Variants in TMEM132B observed in about 807,000 individuals in gnomAD.
TMEM132B encodes transmembrane protein 132B.
A neutral mutation model predicts 90.8 loss-of-function variants in TMEM132B; 18 were observed. The ratio of observed to expected loss-of-function variants is 0.20; its 90% CI spans 0.14 to 0.29. TMEM132B has a LOEUF of 0.29. Among genes scored for constraint, TMEM132B ranks in the 10% least tolerant of loss-of-function variants. The probability of loss-of-function intolerance (pLI) is 1.00; values close to 1 mark genes in which losing one functional copy is unlikely to be tolerated. For missense variants in TMEM132B, 1,096 were observed against 1,326.8 expected (o/e 0.83, Z 2.70); for synonymous variants, 504 against 523.3 (o/e 0.96, Z 0.50).
chr12:125,330,034 C>T (rs530922011), intron 1 of TMEM132B, among the ~76,000 whole-genome samples: 66 of 152,146 alleles, frequency 4.3e-4, no homozygotes, highest in Admixed American at 2.6e-4. Flanking sequence ...GTTCCGTGGC[C>T]GACGCTGTGG....
chr12:125,453,686 G>A (rs1283325239), intron 3 of TMEM132B, among the ~76,000 whole-genome samples: 1 of 152,200 alleles, frequency 6.6e-6, no homozygotes, highest in Non-Finnish European at 1.5e-5. Context: ...AAACACCAGT[G>A]TAAAGGATAG....
intron 1 of TMEM132B, among the ~76,000 whole-genome samples, chr12:125,347,944 CAAATT>C (rs1194376137): frequency 2.0e-5 from 3 of 152,068 alleles, no homozygotes; most frequent in South Asian, 4.2e-4. Context: ...ATGGTTGTAA[CAAATT>C]AAAAGAAAGC....
chr12:125,652,345 A>G, intron 7 of TMEM132B, 96 bp from the exon 8 acceptor site: 1 of 1,234,754 alleles, frequency 8.1e-7, no homozygotes, highest in Non-Finnish European at 1.1e-6. Context: ...GCATTGAGCC[A>G]AGGGCTGGGA....
intron 3 of TMEM132B, among the ~76,000 whole-genome samples, chr12:125,478,480 A>G (rs971415253): frequency 1.3e-5 from 2 of 152,238 alleles, no homozygotes; most frequent in Admixed American, 1.3e-4. Flanking sequence ...CACAAGCTTC[A>G]GTAGCTGATT....
intron 4 of TMEM132B, among the ~76,000 whole-genome samples, chr12:125,570,990 AG>A (rs2136827849): frequency 6.6e-6 from 1 of 152,328 alleles, no homozygotes; most frequent in East Asian, 1.9e-4. Context: ...GTGGCTACTT[AG>A]CTGTTTCTAC....
At chr12:125,361,474 A>G (rs896652806) in intron 2 of TMEM132B, among the ~76,000 whole-genome samples, 6 of 152,200 alleles carry the variant, frequency 3.9e-5, no homozygotes, top group South Asian at 2.1e-4. Flanking sequence ...AACAGTCCCC[A>G]TGTGGCAACA....
intron 4 of TMEM132B, among the ~76,000 whole-genome samples, chr12:125,541,624 G>A (rs1187034480): frequency 6.6e-6 from 1 of 152,018 alleles, no homozygotes; most frequent in African/African-American, 2.4e-5. Flanking sequence ...AAAGGTGAGA[G>A]TGTTCAGCAT....
intron 4 of TMEM132B, among the ~76,000 whole-genome samples, chr12:125,533,926 A>C (rs1399981993): frequency 6.6e-6 from 1 of 152,222 alleles, no homozygotes; most frequent in East Asian, 1.9e-4. Context: ...CAATATATGG[A>C]AAAATCAGAA....
At chr12:125,353,000 C>G (rs1877640046) in intron 2 of TMEM132B, among the ~76,000 whole-genome samples, 1 of 152,224 alleles carries the variant, frequency 6.6e-6, no homozygotes, top group African/African-American at 2.4e-5. Flanking sequence ...AAAACCAGTT[C>G]TTGGCTCTGA....
chr12:125,415,402 A>C lies in TMEM132B; in HGVS notation c.960-129A>C. 1 of 1,209,710 alleles carries C rather than the reference A, an allele frequency of 8.3e-7. No homozygotes were observed. The highest frequency in any genetic ancestry group is 1.1e-6 in the Non-Finnish European group (1 of 881,608). 74.9% of individuals were successfully genotyped at this position (1,209,710 alleles called of 1,614,324 possible). ...GCCACTTGCCACCACTCTCCCCCAC[A>C]TCTCCCAGAGGAAGGGGGCGATGTT... is the stretch of plus-strand genomic sequence containing the variant. On this transcript the variant is annotated intron_variant, in intron 2 of 8. Transcript: ENST00000682704. The surrounding 1 kb of genome is among the most constrained non-coding windows in gnomAD (Gnocchi z 5.3).
intron 5 of TMEM132B, among the ~76,000 whole-genome samples, chr12:125,638,921 T>A (rs1163710960): frequency 6.6e-6 from 1 of 152,224 alleles, no homozygotes; most frequent in East Asian, 1.9e-4. Flanking sequence ...AAGGCAACTT[T>A]CCCAGGATGA....
intron 2 of TMEM132B, among the ~76,000 whole-genome samples, chr12:125,364,880 A>G (rs1878078275): frequency 6.6e-6 from 1 of 152,028 alleles, no homozygotes; most frequent in East Asian, 1.9e-4. Context: ...AAATTCACTT[A>G]TCTGTATCTT....
chr12:125,540,547 A>G (rs1441311602), intron 4 of TMEM132B, among the ~76,000 whole-genome samples: 1 of 152,244 alleles, frequency 6.6e-6, no homozygotes. Context: ...TGAACCTTCT[A>G]TCACTATGAG....
chr12:125,281,055 G>A (rs1875154119), intron 1 of TMEM132B, among the ~76,000 whole-genome samples: 1 of 152,232 alleles, frequency 6.6e-6, no homozygotes, highest in South Asian at 2.1e-4. Flanking sequence ...TGAACCCTAA[G>A]CATTTTGGCC....
intron 4 of TMEM132B, among the ~76,000 whole-genome samples, chr12:125,573,010 A>G (rs948705049): frequency 2.0e-5 from 3 of 151,972 alleles, no homozygotes; most frequent in African/African-American, 7.2e-5. Context: ...TTTTTTGAGC[A>G]CTTTGTTACT....
chr12:125,641,686 A>G (rs1444700263), intron 5 of TMEM132B, among the ~76,000 whole-genome samples: 1 of 152,234 alleles, frequency 6.6e-6, no homozygotes, highest in African/African-American at 2.4e-5. Context: ...GTGCTCCGAA[A>G]GGATGCAGAC....
chr12:125,531,716 G>A (rs539038802), intron 4 of TMEM132B, among the ~76,000 whole-genome samples: 11 of 152,298 alleles, frequency 7.2e-5, no homozygotes, highest in Admixed American at 5.9e-4. Context: ...AGTTATATAC[G>A]CACCATTTCA....
At chr12:125,580,157 T>C (rs1279396927) in intron 4 of TMEM132B, among the ~76,000 whole-genome samples, 1 of 152,232 alleles carries the variant, frequency 6.6e-6, no homozygotes, top group African/African-American at 2.4e-5. Flanking sequence ...CTTTCCTGTG[T>C]ATGAGCACAG....
At chr12:125,560,497 C>T (rs111613672) in intron 4 of TMEM132B, among the ~76,000 whole-genome samples, 2,515 of 152,292 alleles carry the variant, frequency 0.017, 69 homozygotes, top group African/African-American at 0.058. Flanking sequence ...AATCAGATAG[C>T]ATCTCACACC....
Sources: allele counts gnomAD v4.1 joint callset (sites outside exome capture counted in the v4.1 genomes callset), GRCh38; gene constraint gnomAD v4.1.1; non-coding constraint Gnocchi (gnomAD v3.1); transcripts MANE v1.5; gene names NCBI Gene and HGNC (gene_info 2026-07-23, HGNC 2026-07-21).